MEF2C: variants seen among roughly 807,000 people sequenced by gnomAD.
MEF2C encodes the protein myocyte enhancer factor 2C, also known as myocyte-specific enhancer factor 2C.
Under a neutral mutation model 50.5 loss-of-function variants are expected in MEF2C, and 6 were observed. That is an observed-to-expected ratio of 0.12 (90% CI 0.07 to 0.23). The LOEUF is 0.23. Ranked by LOEUF, MEF2C falls within the 10% of genes least tolerant of loss-of-function variation. The pLI, the probability that MEF2C is intolerant of heterozygous loss-of-function variation, is 1.00. For synonymous variants in MEF2C, 183 were observed against 228.0 expected, an observed-to-expected ratio of 0.80 and a Z score of 1.78; for missense variants, 276 against 605.0, an observed-to-expected ratio of 0.46 and a Z score of 5.70.
chr5:88,849,530 T>C (rs1008510771), intron 1 of MEF2C, among the ~76,000 whole-genome samples: 5 of 152,256 alleles, frequency 3.3e-5, no homozygotes, highest in African/African-American at 1.2e-4. Context: ...ATTTATTCTA[T>C]TTAATCTGTG....
chr5:88,759,138 C>G (rs1776711567), intron 4 of MEF2C, among the ~76,000 whole-genome samples: 1 of 152,198 alleles, frequency 6.6e-6, no homozygotes, highest in Non-Finnish European at 1.5e-5. Context: ...CACAGCTGCT[C>G]CACACCAATG....
chr5:88,851,695 A>G (rs543464113), intron 1 of MEF2C, among the ~76,000 whole-genome samples: 1 of 152,232 alleles, frequency 6.6e-6, no homozygotes, highest in East Asian at 1.9e-4. Flanking sequence ...TAACTTAATT[A>G]AGGTTTAAAA....
rs1561421061 is a variant in MEF2C at position 88,869,296 on chromosome 5, C to CATATATATATATAT, written c.-143+13658_-143+13659insATATATATATATAT. Among the ~76,000 whole-genome samples the CATATATATATATAT allele has an allele frequency of 6.4e-4, 67 of 104,850 alleles. 2 individuals carry two copies. The highest frequency in any genetic ancestry group is 2.1e-3 in the African/African-American group (55 of 26,674). 68.8% of individuals were successfully genotyped at this position (104,850 alleles called of 152,430 possible). Reference sequence around the variant, plus strand: ...ATATATACATATATATATATATATACACATATATATATATATATACACATA... The same window carrying CATATATATATATAT: ...ATATATACATATATATATATATATACATATATATATATATACATATATATATATATATACACATA... On this transcript the variant is annotated intron_variant, in intron 1 of 10. Coordinates refer to ENST00000504921, the MANE Select transcript of MEF2C (RefSeq NM_002397.5).
chr5:88,791,789 T>C (rs1435143368), intron 3 of MEF2C, among the ~76,000 whole-genome samples: 1 of 152,100 alleles, frequency 6.6e-6, no homozygotes, highest in Non-Finnish European at 1.5e-5. Flanking sequence ...CAGGTACTAA[T>C]AAAAGTCTTT....
intron 3 of MEF2C, among the ~76,000 whole-genome samples, chr5:88,786,060 T>A (rs186560981): frequency 7.4e-4 from 113 of 152,156 alleles, no homozygotes; most frequent in Middle Eastern, 3.4e-3. Flanking sequence ...AGTTAAGCAG[T>A]TTTCTATTTT....
At chr5:88,788,856 T>G (rs1207312786) in intron 3 of MEF2C, among the ~76,000 whole-genome samples, 1 of 152,176 alleles carries the variant, frequency 6.6e-6, no homozygotes, top group Non-Finnish European at 1.5e-5. Context: ...TTTACAAATG[T>G]GTACAGTAAC....
At chr5:88,864,170 A>G (rs1292854402) in intron 1 of MEF2C, among the ~76,000 whole-genome samples, 1 of 150,088 alleles carries the variant, frequency 6.7e-6, no homozygotes, top group Non-Finnish European at 1.5e-5. Context: ...TTTAAGGCTG[A>G]ATGGTATTTC....
chr5:88,774,361 C>A (rs572410988), intron 3 of MEF2C, among the ~76,000 whole-genome samples: 5 of 145,304 alleles, frequency 3.4e-5, no homozygotes, highest in Non-Finnish European at 7.5e-5. Context: ...CTCGCTCTGT[C>A]GCCCAGGCTG....
At chr5:88,758,083 C>T (rs1182382236) in intron 4 of MEF2C, among the ~76,000 whole-genome samples, 1 of 152,164 alleles carries the variant, frequency 6.6e-6, no homozygotes, top group Non-Finnish European at 1.5e-5. Flanking sequence ...CATTCTATCT[C>T]CATTGTACCT....
intron 1 of MEF2C, among the ~76,000 whole-genome samples, chr5:88,878,563 G>A (rs1232401366): frequency 6.6e-6 from 1 of 151,944 alleles, no homozygotes; most frequent in Non-Finnish European, 1.5e-5. Context: ...GTTCTAACAC[G>A]ACTTCCCTTT....
At position 88,752,031 on chromosome 5, in the gene MEF2C, G is replaced by A. The variant is rs2152525975; in HGVS notation, c.415C>T (p.Pro139Ser). Reference protein sequence around the residue: ...SRQRLCAVPPPNFEMPVSIPV... With the variant: ...SRQRLCAVPPSNFEMPVSIPV... ...ATGGAGACTGGCATCTCGAAGTTGG[G>A]AGGTGGAACAGCCTGCAGGAACAGA... Residue 139 changes from proline (P) to serine (S), a missense_variant, in exon 5 of 11, where the codon CCC becomes TCC. Coordinates refer to ENST00000504921, the MANE Select transcript of MEF2C (RefSeq NM_002397.5). 6.2e-7 allele frequency: 1 copy of A among 1,609,168 alleles called. No individual in the cohort carries two copies. Among genetic ancestry groups the A allele is most frequent in the Non-Finnish European group, 8.5e-7 (1 of 1,176,888 alleles).
At chr5:88,856,807 C>G (rs1386345433) in intron 1 of MEF2C, among the ~76,000 whole-genome samples, 3 of 152,348 alleles carry the variant, frequency 2.0e-5, no homozygotes, top group Non-Finnish European at 4.4e-5. Context: ...GTAGAAATGC[C>G]TGGATGTCTA....
chr5:88,879,004 C>T (rs547345046), intron 1 of MEF2C, among the ~76,000 whole-genome samples: 56 of 152,064 alleles, frequency 3.7e-4, no homozygotes, highest in African/African-American at 1.3e-3. Flanking sequence ...CCTGCAAGTG[C>T]GTGCCACAAA....
chr5:88,819,457 C>T, intron 2 of MEF2C: 2 of 858,752 alleles, frequency 2.3e-6, no homozygotes, highest in Non-Finnish European at 2.8e-6. Flanking sequence ...AGTCATACAC[C>T]AGGCTTAAGT....
chr5:88,761,404 A>G (rs1170064391), intron 3 of MEF2C, 76 bp from the exon 4 acceptor site: 23 of 1,505,292 alleles, frequency 1.5e-5, no homozygotes, highest in Non-Finnish European at 2.0e-5. Flanking sequence ...AAGAAGTTCA[A>G]GCTGTCCAGT....
intron 6 of MEF2C, chr5:88,733,689 T>C (rs1209741146): frequency 1.0e-6 from 1 of 985,212 alleles, no homozygotes; most frequent in Admixed American, 6.2e-5. Context: ...TCTCATTTTA[T>C]GCATGAATAA....
chr5:88,881,849 A>G (rs1056316412), intron 1 of MEF2C, among the ~76,000 whole-genome samples: 5 of 152,132 alleles, frequency 3.3e-5, no homozygotes, highest in Admixed American at 6.5e-5. Context: ...TCAGATTCAC[A>G]ATAGTAAAAC....
intron 1 of MEF2C, chr5:88,824,439 T>A (rs902530194): frequency 4.0e-6 from 3 of 750,342 alleles, no homozygotes; most frequent in Non-Finnish European, 4.9e-6. Context: ...ATTTGATATA[T>A]GTAAATGTCA....
intron 1 of MEF2C, among the ~76,000 whole-genome samples, chr5:88,869,804 T>C (rs1270059267): frequency 6.7e-6 from 1 of 148,858 alleles, no homozygotes; most frequent in Non-Finnish European, 1.5e-5. Flanking sequence ...TCTAGTATGC[T>C]TTTAAAACAT....
Sources: gnomAD v4.1 joint callset for allele counts (sites outside exome capture counted in the v4.1 genomes callset) on GRCh38, gnomAD v4.1.1 for gene constraint, MANE v1.5 for transcripts, NCBI Gene and HGNC (gene_info 2026-07-23, HGNC 2026-07-21) for gene names.